Variants in COL5A3 observed in about 807,000 individuals in gnomAD.
The protein encoded by COL5A3 is collagen alpha-3(V) chain.
COL5A3 carries 172 observed loss-of-function variants against 250.0 expected under a neutral mutation model. The ratio of observed to expected loss-of-function variants is 0.69; its 90% confidence interval spans 0.61 to 0.78. COL5A3 has a LOEUF of 0.78. Among genes scored for constraint, COL5A3 ranks in the 30% least tolerant of loss-of-function variants. COL5A3 has a pLI of 0.00. For missense variants in COL5A3, 2,340 were observed against 2,334.4 expected, an observed-to-expected ratio of 1.00 and a Z score of -0.05; for synonymous variants, 937 against 900.4, an observed-to-expected ratio of 1.04 and a Z score of -0.73.
At chr19:9,961,266 A>T (rs539218880) in intron 65 of COL5A3, among the ~76,000 whole-genome samples, 1 of 152,188 alleles carries the variant, frequency 6.6e-6, no homozygotes, top group Admixed American at 6.5e-5. Flanking sequence ...TGCCCTGTCC[A>T]ATATGGCAGC....
In COL5A3 at chr19:9,979,865, C is replaced by T; in HGVS notation, c.2686G>A (p.Gly896Arg). ...PGHQGKDGRP[G>R]HPGQRGELGF... ...AGTTCTCCTCTCTGTCCAGGGTGCC[C>T]TGGTCGCCCATCTTTACCTTGGTGA... The change falls in exon 37 of 67, where the codon GGG becomes AGG. Residue 896 changes from glycine to arginine, a missense_variant. Physicochemically the swap from Gly to Arg is moderately radical, Grantham distance 125 (BLOSUM62 -2). This residue lies in a region of COL5A3 where 1,179 missense variants were observed against 1,162.6 expected (regional missense o/e 1.01). Transcript: ENST00000264828. 1 of 1,577,256 alleles carries T rather than the reference C, an allele frequency of 6.3e-7. No homozygotes were observed. Among genetic ancestry groups the T allele is most frequent in the Non-Finnish European group, 8.6e-7 (1 of 1,169,206 alleles).
chr19:9,976,981 G>A (rs538155861), intron 44 of COL5A3, among the ~76,000 whole-genome samples: 3 of 152,202 alleles, frequency 2.0e-5, no homozygotes, highest in South Asian at 2.1e-4. Context: ...AAGGTTACCC[G>A]CACCCCAGTG....
intron 8 of COL5A3, among the ~76,000 whole-genome samples, chr19:10,001,149 T>A (rs1263081056): frequency 6.6e-6 from 1 of 151,858 alleles, no homozygotes; most frequent in African/African-American, 2.4e-5. Context: ...TTTAAATTGT[T>A]CGGTTTTTTT....
chr19:9,977,258 T>G lies in COL5A3; in HGVS notation c.3259A>C (p.Lys1087Gln). 1 of 1,614,096 alleles carries G rather than the reference T, an allele frequency of 6.2e-7. No homozygotes were observed. Among genetic ancestry groups the G allele is most frequent in the Non-Finnish European group, 8.5e-7 (1 of 1,179,990 alleles). Residue 1087 changes from lysine (K) to glutamine (Q), a missense_variant, in exon 44 of 67, where the codon AAG becomes CAG. Physicochemically the swap from Lys to Gln is moderately conservative, Grantham distance 53 (BLOSUM62 1). Transcript: ENST00000264828. Reference protein sequence around the residue: ...DKGDVGAPGHKGSKGDKGDAG... With the variant: ...DKGDVGAPGHQGSKGDKGDAG... ...TCTCCTTTATCGCCTTTACTCCCCT[T>G]GTGTCCGGGGGCACCCACATCCCCC...
chr19:9,979,969 C>T (rs2086984058), intron 36 of COL5A3, 25 bp downstream of exon 36: 1 of 1,578,662 alleles, frequency 6.3e-7, no homozygotes, highest in Non-Finnish European at 8.6e-7. Context: ...CCCACCCAAC[C>T]CCCAATGAGG....
intron 29 of COL5A3, 45 bp downstream of exon 29, chr19:9,986,508 C>T (rs201798566): frequency 1.3e-4 from 205 of 1,574,490 alleles, no homozygotes; most frequent in Middle Eastern, 3.3e-4. Context: ...CTATCTTCCC[C>T]GAGCCCCCAG....
At position 9,977,686 on chromosome 19, in the gene COL5A3, G is replaced by A. The variant is rs541297127; in HGVS notation, c.3034C>T (p.Arg1012Cys). 149 of 1,597,568 alleles carry A rather than the reference G, an allele frequency of 9.3e-5. No individual in the cohort carries two copies. The highest frequency in any genetic ancestry group is 6.3e-4 in the South Asian group (56 of 89,142). ...CCTCCTGCTGGGCCCAAAGGACCGC[G>A]CTCACCAGGGGAGCCCTGAGAACAG... is the stretch of plus-strand genomic sequence containing the variant. ...PVGANGSPGERGPLGPAGGIG... is the reference protein window; with the variant it reads ...PVGANGSPGECGPLGPAGGIG... The change falls in exon 42 of 67, where the codon CGC becomes TGC. Residue 1012 changes from arginine to cysteine, a missense_variant. This residue lies in a region of COL5A3 where 1,179 missense variants were observed against 1,162.6 expected (regional missense o/e 1.01). Coordinates refer to ENST00000264828, the MANE Select transcript of COL5A3 (RefSeq NM_015719.4).
Position 9,997,985 on chromosome 19 carries a change from T to A in COL5A3, c.1199A>T (p.Gln400Leu). 1 of 1,613,924 alleles carries A rather than the reference T, an allele frequency of 6.2e-7. No homozygotes were observed. Residue 400 changes from glutamine (Q) to leucine (L), a missense_variant and splice_region_variant, in exon 10 of 67, where the codon CAA becomes CTA. By Grantham distance (113) the Gln-to-Leu change is moderately radical. This residue lies in a region of COL5A3 where 1,152 missense variants were observed against 1,146.3 expected (regional missense o/e 1.00). Coordinates refer to ENST00000264828, the MANE Select transcript of COL5A3 (RefSeq NM_015719.4). ...FEGPPGAPGP[Q>L]GVVGPSGPPG... ...GAAGGAAACACAGCCATGACTTACT[T>A]GGGGTCCTGGGGCTCCTGGAGGTCC...
chr19:9,976,927 G>A (rs530125305), intron 44 of COL5A3, among the ~76,000 whole-genome samples: 7 of 152,130 alleles, frequency 4.6e-5, no homozygotes, highest in South Asian at 2.1e-4. Context: ...TGCCTGCCAC[G>A]CAGAGTCACA....
chr19:9,971,357 G>A (rs1373335842), intron 51 of COL5A3, 99 bp from the exon 52 acceptor site: 2 of 916,384 alleles, frequency 2.2e-6, no homozygotes, highest in Non-Finnish European at 3.3e-6. Context: ...TTGGTTTCTG[G>A]GGACACATTA....
chr19:9,960,233 G>T lies in COL5A3; in HGVS notation c.*178C>A. On this transcript the variant is annotated 3_prime_UTR_variant, in exon 67 of 67. Coordinates refer to ENST00000264828, the MANE Select transcript of COL5A3 (RefSeq NM_015719.4). ...GAGAGGAGGCTGGACCCTTGGGCCA[G>T]GGAACCCCAGCCCCCAGCACCCTGG... The T allele has an allele frequency of 1.3e-6, 1 of 759,626 alleles. No individual in the cohort carries two copies. The allele number at this position is 759,626 out of a possible 1,614,324, so 47.1% of individuals were successfully genotyped here.
Position 9,980,617 on chromosome 19 carries a change from TTC to T in COL5A3, c.2604+29_2604+30del, listed in dbSNP as rs2086994807. 2.6e-6 allele frequency: 4 copies of T among 1,529,248 alleles called. No homozygotes were observed. The Admixed American group carries it at 7.4e-5, about 28-fold the overall frequency. The allele number at this position is 1,529,248 out of a possible 1,614,324, so 94.7% of individuals were successfully genotyped here. A position where few individuals can be genotyped will look rare whatever the true frequency, so the allele number is the denominator to read the frequency against. ...TCTCTCTCTCTCACACACACACACA[TTC>T]ACACACACACACACACACACACACT... On this transcript the variant is annotated intron_variant, in intron 35 of 66. Coordinates refer to ENST00000264828, the MANE Select transcript of COL5A3 (RefSeq NM_015719.4).
chr19:9,965,145 CT>C (rs2086722704), intron 64 of COL5A3, among the ~76,000 whole-genome samples: 1 of 131,202 alleles, frequency 7.6e-6, no homozygotes, highest in Non-Finnish European at 1.7e-5. Context: ...TTCTTTTTTT[CT>C]TTTCTTTTTC....
chr19:9,989,657 C>G, intron 24 of COL5A3, 135 bp from the exon 25 acceptor site: 1 of 795,024 alleles, frequency 1.3e-6, no homozygotes, highest in Non-Finnish European at 1.9e-6. Context: ...TCTATCCCAG[C>G]TCTGCCCAAA....
rs540795594 is a variant in COL5A3, at chr19:9,989,175, A to G, written c.2094T>C (p.Gly698=). The stretch of plus-strand genomic sequence containing the variant: ...CCGGAGGGCCTGCCGACCCTGGTGG[A>G]CCCTGGGAGGAAAATAAGGTCAGTG... The part of the protein sequence containing the change: ...EGPTGEKGAQ[G]PPGSAGPPGY... The change falls in exon 27 of 67, where the codon GGT becomes GGC. Residue 698 remains glycine (G), a splice_region_variant and synonymous_variant. Transcript: ENST00000264828. 3 of 1,614,104 alleles carry G rather than the reference A, an allele frequency of 1.9e-6. No individual in the cohort carries two copies. Among genetic ancestry groups the G allele is most frequent in the Admixed American group, 1.7e-5 (1 of 60,002 alleles).
chr19:9,993,838 T>A lies in COL5A3; in HGVS notation c.1588-32A>T, dbSNP rs200706097. On this transcript the variant is annotated intron_variant, in intron 16 of 66. Coordinates refer to ENST00000264828, the MANE Select transcript of COL5A3 (RefSeq NM_015719.4). ...AGAAAGTAAGCCCAAGAGTCAAGGA[T>A]GAGCCTTCCCTGTACCCCTCCACCA... 8.8e-5 allele frequency: 141 copies of A among 1,608,788 alleles called. 1 individual carries two copies. In the African/African-American group the frequency reaches 1.6e-3, roughly 18 times the overall value.
Position 9,969,334 on chromosome 19 carries a change from G to T in COL5A3, c.4152+15C>A. The T allele has an allele frequency of 6.3e-7, 1 of 1,586,868 alleles. No individual in the cohort carries two copies. The highest frequency in any genetic ancestry group is 1.2e-5 in the South Asian group (1 of 86,610). On this transcript the variant is annotated intron_variant, in intron 57 of 66. Transcript: ENST00000264828. ...TCCTCAGAGCCAGAACCTCAAGGAT[G>T]AACAAGTCTCTTACCAGGGGGCCAG...
At position 9,980,847 on chromosome 19, in the gene COL5A3, C is replaced by A; in HGVS notation, c.2518G>T (p.Glu840Ter). The change falls in exon 34 of 67, where the codon GAG becomes TAG. Residue 840 changes from glutamate to a stop codon, truncating the protein, a stop_gained. Coordinates refer to ENST00000264828, the MANE Select transcript of COL5A3 (RefSeq NM_015719.4). LOFTEE classifies it high-confidence loss of function. ...CCTGTGGCACCCGGTTGCCCCCTCT[C>A]TCCACGGGAACCCTGAACAAAAAAA... The part of the protein sequence containing the change: ...GERGPPGSRG[E>*]RGQPGATGQP... 6.2e-7 allele frequency: 1 copy of A among 1,610,712 alleles called. No homozygotes were observed. The highest frequency in any genetic ancestry group is 8.5e-7 in the Non-Finnish European group (1 of 1,178,534).
chr19:9,995,787 G>A (rs1192701909), intron 15 of COL5A3, among the ~76,000 whole-genome samples, 170 bp from the exon 16 acceptor site: 1 of 152,144 alleles, frequency 6.6e-6, no homozygotes, highest in Non-Finnish European at 1.5e-5. Context: ...ACAAGTGTGT[G>A]CCACTGTACC....
Sources: allele counts gnomAD v4.1 joint callset (sites outside exome capture counted in the v4.1 genomes callset), GRCh38; gene constraint gnomAD v4.1.1; regional missense constraint gnomAD v4.1.1; transcripts MANE v1.5; gene names NCBI Gene and HGNC (gene_info 2026-07-23, HGNC 2026-07-21).